ABCA12: variants seen among roughly 807,000 people sequenced by gnomAD.
ABCA12 encodes ATP binding cassette subfamily A member 12.
ABCA12 carries 156 observed loss-of-function variants against 293.5 expected under a neutral mutation model. The ratio of observed to expected loss-of-function variants is 0.53; its 90% CI spans 0.47 to 0.61. ABCA12 has a LOEUF of 0.61. ABCA12 is among the 20% of genes least tolerant of loss of function. The probability of loss-of-function intolerance (pLI) is 0.00; values close to 1 mark genes in which losing one functional copy is unlikely to be tolerated. For synonymous variants in ABCA12, 1,063 were observed against 1,108.0 expected, an observed-to-expected ratio of 0.96 and a Z score of 0.81; for missense variants, 2,797 against 3,090.2, an observed-to-expected ratio of 0.91 and a Z score of 2.25.
At position 215,125,803 on chromosome 2, in the gene ABCA12, T is replaced by C. The variant is rs373776040; in HGVS notation, c.69+12337A>G. On this transcript the variant is annotated intron_variant, in intron 1 of 52. Coordinates refer to ENST00000272895, the MANE Select transcript of ABCA12 (RefSeq NM_173076.3). ...CCCTTTATTTATTTATCTTGCCTGATTGCTCTGGCTAGGACTTCCAGTACT... is the reference window on the plus strand; with the variant it reads ...CCCTTTATTTATTTATCTTGCCTGACTGCTCTGGCTAGGACTTCCAGTACT... Among the ~76,000 whole-genome samples the C allele has an allele frequency of 1.1e-4, 17 of 152,288 alleles. No individual in the cohort carries two copies. The South Asian group carries it at 3.5e-3, about 32-fold the overall frequency.
chr2:215,018,517 A>G (rs1700555063), intron 13 of ABCA12, among the ~76,000 whole-genome samples: 1 of 152,194 alleles, frequency 6.6e-6, no homozygotes, highest in Non-Finnish European at 1.5e-5. Flanking sequence ...ATCATGTAAT[A>G]TTGTCAATTT....
chr2:215,079,070 G>C (rs888019487), intron 2 of ABCA12, among the ~76,000 whole-genome samples: 11 of 152,186 alleles, frequency 7.2e-5, no homozygotes, highest in African/African-American at 2.7e-4. Context: ...CAGGCAGACA[G>C]ATGGCTTTTA....
chr2:215,056,322 G>A (rs964963476), intron 3 of ABCA12, among the ~76,000 whole-genome samples: 9 of 152,006 alleles, frequency 5.9e-5, no homozygotes, highest in Admixed American at 3.3e-4. Context: ...CCTACAAATA[G>A]CATTTAAACA....
At chr2:215,040,768 T>C (rs1701083093) in intron 7 of ABCA12, among the ~76,000 whole-genome samples, 2 of 152,014 alleles carry the variant, frequency 1.3e-5, no homozygotes, top group South Asian at 2.1e-4. Flanking sequence ...GCTGAGATCA[T>C]ACCACTGCAC....
chr2:215,120,161 T>C (rs1702775222), intron 1 of ABCA12, among the ~76,000 whole-genome samples: 1 of 152,196 alleles, frequency 6.6e-6, no homozygotes, highest in Admixed American at 6.5e-5. Context: ...CTTAGCAAAT[T>C]AATGTAAGAA....
chr2:215,043,057 T>C (rs1232549706), intron 7 of ABCA12, among the ~76,000 whole-genome samples: 2 of 152,184 alleles, frequency 1.3e-5, no homozygotes, highest in Non-Finnish European at 2.9e-5. Context: ...TCCCTTTCTC[T>C]GTATCCCTGC....
At chr2:215,046,130 G>T in intron 6 of ABCA12, 115 bp from the exon 7 acceptor site, 1 of 1,032,796 alleles carries the variant, frequency 9.7e-7, no homozygotes, top group Non-Finnish European at 1.4e-6. Context: ...AATTCTTTTA[G>T]ACCTTCACTC....
At position 214,932,730 on chromosome 2, in the gene ABCA12, G is replaced by A; in HGVS notation, c.7692C>T (p.Asn2564=). Residue 2564 remains asparagine (N), a synonymous_variant, in exon 53 of 53, where the codon AAC becomes AAT. Coordinates refer to ENST00000272895, the MANE Select transcript of ABCA12 (RefSeq NM_173076.3). ...CATAGGACTTCTGGTCTTTGGCAAAGTTGATGAAAACCTGATTTTTCAGGG... is the reference window on the plus strand; with the variant it reads ...CATAGGACTTCTGGTCTTTGGCAAAATTGATGAAAACCTGATTTTTCAGGG... The part of the protein sequence containing the change: ...SQTTLEEVFI[N]FAKDQKSYET... 1 of 1,613,340 alleles carries A rather than the reference G, an allele frequency of 6.2e-7. No individual in the cohort carries two copies. The highest frequency in any genetic ancestry group is 8.5e-7 in the Non-Finnish European group (1 of 1,179,504).
At chr2:214,980,347 C>G (rs760037344) in intron 31 of ABCA12, 136 bp downstream of exon 31, 7 of 1,261,400 alleles carry the variant, frequency 5.5e-6, no homozygotes, top group Non-Finnish European at 7.8e-6. Context: ...TTTCGATGCT[C>G]ACTCAAATAT....
intron 16 of ABCA12, 58 bp from the exon 17 acceptor site, chr2:215,011,707 A>G: frequency 6.6e-7 from 1 of 1,519,900 alleles, no homozygotes; most frequent in Non-Finnish European, 9.1e-7. Flanking sequence ...AGCTACTGAA[A>G]ACAACAGAGA....
chr2:214,948,494 G>A, intron 47 of ABCA12, 102 bp downstream of exon 47: 1 of 1,285,742 alleles, frequency 7.8e-7, no homozygotes, highest in Non-Finnish European at 1.1e-6. Flanking sequence ...GGTTTTGAGG[G>A]GAAATGGTGG....
intron 2 of ABCA12, among the ~76,000 whole-genome samples, chr2:215,094,933 T>C (rs1702220462): frequency 6.6e-6 from 1 of 152,126 alleles, no homozygotes; most frequent in Non-Finnish European, 1.5e-5. Context: ...AGTTCTCTTC[T>C]TCCTCTGTGG....
chr2:214,937,556 G>A lies in ABCA12; in HGVS notation c.7496C>T (p.Thr2499Ile), dbSNP rs747030042. 6.2e-7 allele frequency: 1 copy of A among 1,613,824 alleles called. No individual in the cohort carries two copies. The highest frequency in any genetic ancestry group is 1.3e-5 in the African/African-American group (1 of 74,904). ...HLKNNKVTME[T>I]LTKFMQLHFP... ...GTGCAGCTGCATGAACTTTGTGAGG[G>A]TCTCCATGGTCACTTTGTTATTCTT... The change falls in exon 51 of 53, where the codon ACC becomes ATC. Residue 2499 changes from threonine (T) to isoleucine (I), a missense_variant. By Grantham distance (89) the Thr-to-Ile change is moderately conservative (BLOSUM62 -1). Around this residue, in one of 3 missense-constraint regions of ABCA12, gnomAD observed 2,130 missense variants for 2,427.0 expected, o/e 0.88. Coordinates refer to ENST00000272895, the MANE Select transcript of ABCA12 (RefSeq NM_173076.3).
At chr2:215,066,516 A>G (rs1701642907) in intron 2 of ABCA12, among the ~76,000 whole-genome samples, 1 of 152,160 alleles carries the variant, frequency 6.6e-6, no homozygotes, top group Admixed American at 6.6e-5. Flanking sequence ...CCTGGCATTC[A>G]TTACAAATTG....
In ABCA12 at chr2:214,975,801, G is replaced by A; in HGVS notation, c.5365C>T (p.Gln1789Ter). 6.2e-7 allele frequency: 1 copy of A among 1,614,086 alleles called. No individual in the cohort carries two copies. The highest frequency in any genetic ancestry group is 8.5e-7 in the Non-Finnish European group (1 of 1,179,978). The change falls in exon 34 of 53, where the codon CAG (glutamine) becomes TAG (stop). Residue 1789 changes from glutamine to a stop codon, truncating the protein, a stop_gained. Coordinates refer to ENST00000272895, the MANE Select transcript of ABCA12 (RefSeq NM_173076.3). LOFTEE classifies it high-confidence loss of function. ...ISPSLYGTSEQTAFYANYHPS... is the reference protein window; with the variant it reads ...ISPSLYGTSE ...GAAACTTACGCATAGAAGGCTGTCT[G>A]TTCGGAGGTACCATAAAGAGAGGGG...
chr2:214,945,587 C>A (rs1343618770), intron 48 of ABCA12, among the ~76,000 whole-genome samples: 7 of 152,008 alleles, frequency 4.6e-5, no homozygotes, highest in Non-Finnish European at 7.4e-5. Flanking sequence ...ATCTAACACT[C>A]CTTGGGAAAT....
At chr2:215,088,845 T>A (rs1702087252) in intron 2 of ABCA12, among the ~76,000 whole-genome samples, 1 of 152,210 alleles carries the variant, frequency 6.6e-6, no homozygotes, top group African/African-American at 2.4e-5. Flanking sequence ...TGTGACACAG[T>A]GTCTCCTGGA....
chr2:214,998,857 G>A (rs766207903), intron 22 of ABCA12, among the ~76,000 whole-genome samples: 3 of 152,104 alleles, frequency 2.0e-5, no homozygotes, highest in African/African-American at 4.8e-5. Flanking sequence ...AGTAGATGTC[G>A]ATGAGAGATT....
At position 214,942,976 on chromosome 2, in the gene ABCA12, A is replaced by G. The variant is rs1305649104; in HGVS notation, c.7385T>C (p.Met2462Thr). Reference sequence around the variant, plus strand: ...AATACATTGAAACTTTCCATTCACCATAATGGCCAACCTGGTACAGAGAGC... The same window carrying G: ...AATACATTGAAACTTTCCATTCACCGTAATGGCCAACCTGGTACAGAGAGC... Reference protein sequence around the residue: ...CEALCTRLAIMVNGKFQCIGS... With the variant: ...CEALCTRLAITVNGKFQCIGS... Residue 2462 changes from methionine to threonine, a missense_variant, in exon 50 of 53, where the codon ATG becomes ACG. Around this residue, in one of 3 missense-constraint regions of ABCA12, gnomAD observed 2,130 missense variants for 2,427.0 expected, o/e 0.88. Transcript: ENST00000272895. 1 of 1,613,606 alleles carries G rather than the reference A, an allele frequency of 6.2e-7. No homozygotes were observed. The highest frequency in any genetic ancestry group is 1.3e-5 in the African/African-American group (1 of 75,042).
Sources: gnomAD v4.1 joint callset for allele counts (sites outside exome capture counted in the v4.1 genomes callset) on GRCh38, gnomAD v4.1.1 for gene constraint, gnomAD v4.1.1 regional missense constraint, MANE v1.5 for transcripts, NCBI Gene and HGNC (gene_info 2026-07-23, HGNC 2026-07-21) for gene names.